XXYLT1: variants seen among roughly 807,000 people sequenced by gnomAD.
XXYLT1 encodes the protein xyloside xylosyltransferase 1, also known as UDP-xylose:alpha-xyloside alpha-1,3-xylosyltransferase.
Under a neutral mutation model 28.9 loss-of-function variants are expected in XXYLT1, and 20 were observed. The observed-to-expected ratio is 0.69, with a 90% confidence interval of 0.49 to 1.00. The LOEUF is 1.00. Among genes scored for constraint, XXYLT1 ranks in the 50% least tolerant of loss-of-function variants. The pLI, the probability that XXYLT1 is intolerant of heterozygous loss-of-function variation, is 0.00. For synonymous variants in XXYLT1, 257 were observed against 253.8 expected (o/e 1.01, Z -0.12); for missense variants, 542 against 560.1 (o/e 0.97, Z 0.33).
At position 195,259,592 on chromosome 3, in the gene XXYLT1, C is replaced by T. The variant is rs907833675; in HGVS notation, c.504+10963G>A. 12 of 985,362 alleles carry T rather than the reference C, an allele frequency of 1.2e-5. No individual in the cohort carries two copies. In the South Asian group the frequency reaches 4.7e-4, roughly 39 times the overall value. 61.0% of individuals were successfully genotyped at this position (985,362 alleles called of 1,614,324 possible). A position where few individuals can be genotyped will look rare whatever the true frequency, so the allele number is the denominator to read the frequency against. Reference sequence around the variant, plus strand: ...CCGCCCCAGGTACAGGCCTGGGAAGCCCTCATCTCACCGCGAGGACAGTCG... The same window carrying T: ...CCGCCCCAGGTACAGGCCTGGGAAGTCCTCATCTCACCGCGAGGACAGTCG... On this transcript the variant is annotated intron_variant, in intron 1 of 3. Coordinates refer to ENST00000310380, the MANE Select transcript of XXYLT1 (RefSeq NM_152531.5).
intron 3 of XXYLT1, among the ~76,000 whole-genome samples, chr3:195,110,168 G>GTA: frequency 1.5e-5 from 1 of 65,530 alleles, no homozygotes; most frequent in Non-Finnish European, 3.8e-5. Context: ...TGTGTGTGGT[G>GTA]TCTGAGTATG....
intron 1 of XXYLT1, among the ~76,000 whole-genome samples, chr3:195,259,445 C>T (rs1311937645): frequency 2.0e-5 from 3 of 152,150 alleles, no homozygotes; most frequent in African/African-American, 7.2e-5. Flanking sequence ...GGTCCCAGGG[C>T]GAAAGATAAG....
intron 3 of XXYLT1, among the ~76,000 whole-genome samples, chr3:195,082,774 C>T (rs529808525): frequency 2.2e-4 from 33 of 151,900 alleles, no homozygotes; most frequent in African/African-American, 4.8e-4. Context: ...ACTTGAACCC[C>T]GGGGGAAGGA....
intron 2 of XXYLT1, among the ~76,000 whole-genome samples, chr3:195,202,464 G>A (rs949280340): frequency 3.9e-4 from 58 of 147,842 alleles, no homozygotes; most frequent in African/African-American, 1.4e-3. Flanking sequence ...ATCTAAAAAC[G>A]TGTCAATCCA....
At chr3:195,093,957 G>C (rs4677803) in intron 3 of XXYLT1, 71,866 of 152,318 alleles carry the variant, frequency 0.47, 19,373 homozygotes, top group East Asian at 0.96. Flanking sequence ...CCGTGGAGGC[G>C]CCATACCCCC....
At chr3:195,261,027 C>T (rs1367614392) in intron 1 of XXYLT1, among the ~76,000 whole-genome samples, 1 of 152,258 alleles carries the variant, frequency 6.6e-6, no homozygotes, top group Non-Finnish European at 1.5e-5. Context: ...GAAGTGCCTC[C>T]TGCTGCTCTG....
intron 2 of XXYLT1, among the ~76,000 whole-genome samples, chr3:195,215,718 T>C (rs1723543072): frequency 1.3e-5 from 2 of 151,718 alleles, no homozygotes; most frequent in African/African-American, 4.8e-5. Context: ...CAAACATTAA[T>C]AATGGGAGAC....
rs1577185408 is a variant in XXYLT1 at position 195,240,025 on chromosome 3, G to A, written c.505-13169C>T. 6.6e-6 allele frequency among the ~76,000 whole-genome samples: 1 copy of A among 152,190 alleles called. No homozygotes were observed. The highest frequency in any genetic ancestry group is 1.9e-4 in the East Asian group (1 of 5,206). ...CTGCCCCAGAAATGATTAAATCTGTGTTAAATTTCTCTGCCTACTTTTATT... is the reference window on the plus strand; with the variant it reads ...CTGCCCCAGAAATGATTAAATCTGTATTAAATTTCTCTGCCTACTTTTATT... On this transcript the variant is annotated intron_variant, in intron 1 of 3. Coordinates refer to ENST00000310380, the MANE Select transcript of XXYLT1 (RefSeq NM_152531.5). This position sits in a 1 kb window ranked among gnomAD's most constrained non-coding sequence, Gnocchi z 4.7.
At chr3:195,179,658 A>G (rs7652976) in intron 2 of XXYLT1, among the ~76,000 whole-genome samples, 4,280 of 152,172 alleles carry the variant, frequency 0.028, 191 homozygotes, top group African/African-American at 0.098. Flanking sequence ...ATTCCAACAG[A>G]AAAACCCCAA....
At chr3:195,110,273 TGTGTGTGGG>T (rs1717502563) in intron 3 of XXYLT1, among the ~76,000 whole-genome samples, 1 of 6,760 alleles carries the variant, frequency 1.5e-4, no homozygotes, top group East Asian at 1.6e-3. Flanking sequence ...GGGTGTGTGG[TGTGTGTGGG>T]GTGTATGTGT....
chr3:195,265,074 A>G (rs902065713), intron 1 of XXYLT1, among the ~76,000 whole-genome samples: 1 of 151,900 alleles, frequency 6.6e-6, no homozygotes, highest in Non-Finnish European at 1.5e-5. Flanking sequence ...AAAAAAAAAA[A>G]GAGTAAAAGA....
intron 3 of XXYLT1, among the ~76,000 whole-genome samples, chr3:195,080,785 G>A (rs933967035): frequency 3.9e-5 from 6 of 152,188 alleles, no homozygotes; most frequent in African/African-American, 9.7e-5. Context: ...CCATCAATCC[G>A]CACCAGCGCC....
chr3:195,270,214 C>A lies in XXYLT1; in HGVS notation c.504+341G>T, dbSNP rs1214638016. ...TCCTCAGAAGTCAAAAACTGAGGAACATAAACAGAGGTGCAGACTCTGAAG... is the reference window on the plus strand; with the variant it reads ...TCCTCAGAAGTCAAAAACTGAGGAAAATAAACAGAGGTGCAGACTCTGAAG... On this transcript the variant is annotated intron_variant, in intron 1 of 3. Coordinates refer to ENST00000310380, the MANE Select transcript of XXYLT1 (RefSeq NM_152531.5). 3 of 556,614 alleles carry A rather than the reference C, an allele frequency of 5.4e-6. No homozygotes were observed. In the Admixed American group the frequency reaches 7.2e-5, roughly 13 times the overall value. 34.5% of individuals were successfully genotyped at this position (556,614 alleles called of 1,614,324 possible). A position where few individuals can be genotyped will look rare whatever the true frequency, so the allele number is the denominator to read the frequency against.
At chr3:195,103,971 T>C (rs1716948985) in intron 3 of XXYLT1, among the ~76,000 whole-genome samples, 1 of 152,222 alleles carries the variant, frequency 6.6e-6, no homozygotes, top group Non-Finnish European at 1.5e-5. Flanking sequence ...TAGAAGTTCA[T>C]CACTTTAAGT....
chr3:195,081,079 G>A (rs934431906), intron 3 of XXYLT1, among the ~76,000 whole-genome samples: 4 of 152,208 alleles, frequency 2.6e-5, no homozygotes, highest in African/African-American at 4.8e-5. Context: ...CCCAGGCCCC[G>A]CCTGCAGGAG....
intron 2 of XXYLT1, among the ~76,000 whole-genome samples, chr3:195,225,942 G>C (rs1724030500): frequency 6.6e-6 from 1 of 152,172 alleles, no homozygotes; most frequent in South Asian, 2.1e-4. Context: ...CAGCCATGCT[G>C]AACTGTCTAT....
intron 3 of XXYLT1, among the ~76,000 whole-genome samples, chr3:195,107,829 T>C (rs1242157347): frequency 1.3e-5 from 2 of 151,762 alleles, no homozygotes; most frequent in African/African-American, 2.4e-5. Flanking sequence ...AGACACCACC[T>C]CCTTTCTTAA....
At chr3:195,249,809 T>TCCC (rs1340421002) in intron 1 of XXYLT1, among the ~76,000 whole-genome samples, 1 of 152,160 alleles carries the variant, frequency 6.6e-6, no homozygotes, top group Non-Finnish European at 1.5e-5. Context: ...GTCACATACT[T>TCCC]CAAGTCCACG....
intron 3 of XXYLT1, among the ~76,000 whole-genome samples, chr3:195,140,493 G>C (rs978185880): frequency 1.3e-5 from 2 of 152,186 alleles, no homozygotes; most frequent in African/African-American, 4.8e-5. Context: ...CTGAGATTGG[G>C]TTGATTTATG....
Sources: gnomAD v4.1 joint callset for allele counts (sites outside exome capture counted in the v4.1 genomes callset) on GRCh38, gnomAD v4.1.1 for gene constraint, Gnocchi (gnomAD v3.1) non-coding constraint, MANE v1.5 for transcripts, NCBI Gene and HGNC (gene_info 2026-07-23, HGNC 2026-07-21) for gene names.